Variants in KCNQ1 observed in about 807,000 individuals in gnomAD.
KCNQ1 encodes the protein potassium voltage-gated channel subfamily KQT member 1.
A neutral mutation model predicts 72.4 loss-of-function variants in KCNQ1; 49 were observed. The ratio of observed to expected loss-of-function variants is 0.68; its 90% CI spans 0.54 to 0.86. The LOEUF (loss-of-function observed/expected upper bound fraction) is 0.86, where lower values mean the gene tolerates loss of function less well. Ranked by LOEUF, KCNQ1 falls within the 40% of genes least tolerant of loss-of-function variation. The pLI is 0.00. For synonymous variants in KCNQ1, 450 were observed against 412.6 expected, an observed-to-expected ratio of 1.09 and a Z score of -1.10; for missense variants, 790 against 945.1, an observed-to-expected ratio of 0.84 and a Z score of 2.15.
At position 2,657,688 on chromosome 11, in the gene KCNQ1, C is replaced by T. The variant is rs1012061553; in HGVS notation, c.1394-4273C>T. The T allele has an allele frequency of 2.0e-5, 8 of 398,400 alleles. No homozygotes were observed. The highest frequency in any genetic ancestry group is 3.1e-5 in the Non-Finnish European group (7 of 226,036). 24.7% of individuals were successfully genotyped at this position (398,400 alleles called of 1,614,324 possible). On this transcript the variant is annotated intron_variant, in intron 10 of 15. Transcript: ENST00000155840. This position sits in a 1 kb window ranked among gnomAD's most constrained non-coding sequence, Gnocchi z 4.8. The stretch of plus-strand genomic sequence containing the variant: ...TAACTACTAATGTCCTTTTTCTGTT[C>T]CAAGATCCCATCTAGGATCGATCAT...
rs527806695 is a variant in KCNQ1 at position 2,475,211 on chromosome 11, T to C, written c.386+29727T>C. Among the ~76,000 whole-genome samples, 1 of 152,284 alleles carries C rather than the reference T, an allele frequency of 6.6e-6. No individual in the cohort carries two copies. Among genetic ancestry groups the C allele is most frequent in the East Asian group, 1.9e-4 (1 of 5,168 alleles). On this transcript the variant is annotated intron_variant, in intron 1 of 15. Coordinates refer to ENST00000155840, the MANE Select transcript of KCNQ1 (RefSeq NM_000218.3). This position sits in a 1 kb window ranked among gnomAD's most constrained non-coding sequence, Gnocchi z 5.8. Reference sequence around the variant, plus strand: ...TGCCCCTGGATTTAGCTATTCTGGATGTTTCATGTGCCTGAAATCATGGCA... The same window carrying C: ...TGCCCCTGGATTTAGCTATTCTGGACGTTTCATGTGCCTGAAATCATGGCA...
chr11:2,490,754 TCTC>T (rs1846823688), intron 1 of KCNQ1, among the ~76,000 whole-genome samples: 1 of 152,208 alleles, frequency 6.6e-6, no homozygotes, highest in African/African-American at 2.4e-5. Context: ...AATGGTGTGA[TCTC>T]AGCTCACCGC....
At position 2,687,571 on chromosome 11, in the gene KCNQ1, C is replaced by T. The variant is rs932075113; in HGVS notation, c.1514+25490C>T. The T allele has an allele frequency of 1.3e-5, 5 of 398,634 alleles. No individual in the cohort carries two copies. Among genetic ancestry groups the T allele is most frequent in the Non-Finnish European group, 2.2e-5 (5 of 226,174 alleles). The allele number at this position is 398,634 out of a possible 1,614,324, so 24.7% of individuals were successfully genotyped here. Reference sequence around the variant, plus strand: ...TACCACAGCCCACTCTGATGACCCCCTGTCAAGGAGGTGTGACTGAGAAAG... The same window carrying T: ...TACCACAGCCCACTCTGATGACCCCTTGTCAAGGAGGTGTGACTGAGAAAG... On this transcript the variant is annotated intron_variant, in intron 11 of 15. Coordinates refer to ENST00000155840, the MANE Select transcript of KCNQ1 (RefSeq NM_000218.3). The surrounding 1 kb of genome is among the most constrained non-coding windows in gnomAD (Gnocchi z 5.0).
In KCNQ1 at chr11:2,781,084, T is replaced by C. The variant is rs1413685351; in HGVS notation, c.1794+3047T>C. On this transcript the variant is annotated intron_variant, in intron 15 of 15. Coordinates refer to ENST00000155840, the MANE Select transcript of KCNQ1 (RefSeq NM_000218.3). The surrounding 1 kb of genome is among the most constrained non-coding windows in gnomAD (Gnocchi z 6.6). Reference sequence around the variant, plus strand: ...ACTTCCTGCGGGCCTCCCTCCCCTGTCAAATGAGAGGGTTTGACTCCTGCT... The same window carrying C: ...ACTTCCTGCGGGCCTCCCTCCCCTGCCAAATGAGAGGGTTTGACTCCTGCT... Among the ~76,000 whole-genome samples, 1 of 152,104 alleles carries C rather than the reference T, an allele frequency of 6.6e-6. No homozygotes were observed. Among genetic ancestry groups the C allele is most frequent in the South Asian group, 2.1e-4 (1 of 4,828 alleles).
At chr11:2,727,821 C>T (rs899816218) in intron 11 of KCNQ1, among the ~76,000 whole-genome samples, 7 of 152,142 alleles carry the variant, frequency 4.6e-5, no homozygotes, top group South Asian at 2.1e-4. Context: ...GGTGTGGGCT[C>T]GTCTTGCACT....
In KCNQ1 at chr11:2,599,503, G is replaced by A. The variant is rs1472202890; in HGVS notation, c.1393+10649G>A. Among the ~76,000 whole-genome samples the A allele has an allele frequency of 1.3e-5, 2 of 152,046 alleles. No homozygotes were observed. Among genetic ancestry groups the A allele is most frequent in the Non-Finnish European group, 2.9e-5 (2 of 68,000 alleles). On this transcript the variant is annotated intron_variant, in intron 10 of 15. Coordinates refer to ENST00000155840, the MANE Select transcript of KCNQ1 (RefSeq NM_000218.3). The surrounding 1 kb of genome is among the most constrained non-coding windows in gnomAD (Gnocchi z 4.7). ...CATAGGTTCTTGAACCTGTTTCTAT[G>A]TACAGAACTTTTATTTCTATGTGTT...
intron 15 of KCNQ1, among the ~76,000 whole-genome samples, chr11:2,843,058 C>A (rs1418121420): frequency 6.6e-6 from 1 of 152,236 alleles, no homozygotes; most frequent in Non-Finnish European, 1.5e-5. Context: ...CAAGGCCCTG[C>A]AGCAGTGTGG....
intron 2 of KCNQ1, among the ~76,000 whole-genome samples, chr11:2,548,390 A>G (rs1847929989): frequency 6.6e-6 from 1 of 152,236 alleles, no homozygotes; most frequent in African/African-American, 2.4e-5. Flanking sequence ...CCATGCGTAT[A>G]ATCGGTCAGG....
At chr11:2,584,798 G>T (rs1268252341) in intron 7 of KCNQ1, among the ~76,000 whole-genome samples, 2 of 152,078 alleles carry the variant, frequency 1.3e-5, no homozygotes, top group Non-Finnish European at 2.9e-5. Flanking sequence ...CTTCAGGGTG[G>T]GTCCTTTGCA....
chr11:2,500,845 A>G (rs1462800056), intron 1 of KCNQ1, among the ~76,000 whole-genome samples: 1 of 83,488 alleles, frequency 1.2e-5, no homozygotes, highest in Non-Finnish European at 2.1e-5. Context: ...GGACACAGGG[A>G]GGGGAACATC....
At chr11:2,646,044 G>A (rs779808380) in intron 10 of KCNQ1, 7 of 398,512 alleles carry the variant, frequency 1.8e-5, no homozygotes, top group Non-Finnish European at 2.7e-5. Context: ...GCACATCGAG[G>A]AGTCTCTTCA....
chr11:2,556,192 G>T (rs1230871023), intron 2 of KCNQ1, among the ~76,000 whole-genome samples: 3 of 152,174 alleles, frequency 2.0e-5, no homozygotes, highest in African/African-American at 4.8e-5. Context: ...CCATGTCCAG[G>T]TTTCCCGTTT....
Position 2,695,401 on chromosome 11 carries a change from A to G in KCNQ1, c.1514+33320A>G. On this transcript the variant is annotated intron_variant, in intron 11 of 15. Coordinates refer to ENST00000155840, the MANE Select transcript of KCNQ1 (RefSeq NM_000218.3). This position sits in a 1 kb window ranked among gnomAD's most constrained non-coding sequence, Gnocchi z 5.2. ...TGGGTGGTGTGTAATTTTAATTTAA[A>G]TACACAGTCATGTACTGAGGCCCTC... The G allele has an allele frequency of 2.5e-6, 1 of 398,592 alleles. No individual in the cohort carries two copies. Among genetic ancestry groups the G allele is most frequent in the Non-Finnish European group, 4.4e-6 (1 of 226,072 alleles). The allele number at this position is 398,592 out of a possible 1,614,324, so 24.7% of individuals were successfully genotyped here. A position where few individuals can be genotyped will look rare whatever the true frequency, so the allele number is the denominator to read the frequency against.
chr11:2,525,735 G>A (rs897285579), intron 1 of KCNQ1, among the ~76,000 whole-genome samples: 2 of 152,220 alleles, frequency 1.3e-5, no homozygotes, highest in Non-Finnish European at 1.5e-5. Flanking sequence ...GCTTTGGGTC[G>A]AATGTCCCAG....
intron 10 of KCNQ1, among the ~76,000 whole-genome samples, chr11:2,607,599 C>T (rs942464476): frequency 6.6e-6 from 1 of 152,156 alleles, no homozygotes; most frequent in African/African-American, 2.4e-5. Context: ...CTGAATCTGC[C>T]AGTGCCTTGA....
In KCNQ1 at chr11:2,682,803, CTT is replaced by C; in HGVS notation, c.1514+20723_1514+20724del. The C allele has an allele frequency of 2.5e-6, 1 of 398,666 alleles. No homozygotes were observed. The highest frequency in any genetic ancestry group is 4.4e-6 in the Non-Finnish European group (1 of 226,078). The allele number at this position is 398,666 out of a possible 1,614,324, so 24.7% of individuals were successfully genotyped here. A position where few individuals can be genotyped will look rare whatever the true frequency, so the allele number is the denominator to read the frequency against. On this transcript the variant is annotated intron_variant, in intron 11 of 15. Transcript: ENST00000155840. This position sits in a 1 kb window ranked among gnomAD's most constrained non-coding sequence, Gnocchi z 5.8. ...ATCTGGGCACCATGAAATGCAGTGACTTGCAGTGATCCTCCTGGGGCCTTGTA... is the reference window on the plus strand; with the variant it reads ...ATCTGGGCACCATGAAATGCAGTGACGCAGTGATCCTCCTGGGGCCTTGTA...
chr11:2,637,115 T>C (rs1849484355), intron 10 of KCNQ1: 1 of 152,298 alleles, frequency 6.6e-6, no homozygotes. Context: ...ATTTTGTTGA[T>C]CTTTTCAAAA....
intron 10 of KCNQ1, chr11:2,610,866 C>T (rs2133790725): frequency 2.5e-6 from 1 of 398,116 alleles, no homozygotes; most frequent in East Asian, 3.6e-5. Flanking sequence ...AGCAGAGTGC[C>T]ACATAGCCTC....
Position 2,691,183 on chromosome 11 carries a change from G to T in KCNQ1, c.1514+29102G>T. On this transcript the variant is annotated intron_variant, in intron 11 of 15. Coordinates refer to ENST00000155840, the MANE Select transcript of KCNQ1 (RefSeq NM_000218.3). This position sits in a 1 kb window ranked among gnomAD's most constrained non-coding sequence, Gnocchi z 6.4. ...CTCACAGCCTTGGGAGGGGTGCTCA[G>T]AGCTCAGCTGTGTTTAAAAATTAGC... 1 of 398,674 alleles carries T rather than the reference G, an allele frequency of 2.5e-6. No individual in the cohort carries two copies. Among genetic ancestry groups the T allele is most frequent in the South Asian group, 1.3e-4 (1 of 7,852 alleles). The allele number at this position is 398,674 out of a possible 1,614,324, so 24.7% of individuals were successfully genotyped here.
Sources: allele counts gnomAD v4.1 joint callset (sites outside exome capture counted in the v4.1 genomes callset), GRCh38; gene constraint gnomAD v4.1.1; non-coding constraint Gnocchi (gnomAD v3.1); transcripts MANE v1.5; gene names NCBI Gene and HGNC (gene_info 2026-07-23, HGNC 2026-07-21).